JHY: variants seen among roughly 807,000 people sequenced by gnomAD.
JHY encodes the protein jhy protein homolog.
JHY carries 69 observed loss-of-function variants against 78.0 expected under a neutral mutation model. The ratio of observed to expected loss-of-function variants is 0.88; its 90% CI spans 0.73 to 1.08. The LOEUF (loss-of-function observed/expected upper bound fraction) is 1.08, where lower values mean the gene tolerates loss of function less well. Ranked by LOEUF, JHY falls within the 50% of genes least tolerant of loss-of-function variation. JHY has a pLI of 0.00. For missense variants in JHY, 944 were observed against 927.8 expected (o/e 1.02, Z -0.23); for synonymous variants, 368 against 342.6 (o/e 1.07, Z -0.82).
intron 4 of JHY, 81 bp from the exon 5 acceptor site, chr11:122,934,337 TAA>T (rs1863699719): frequency 2.4e-5 from 16 of 653,264 alleles, no homozygotes; most frequent in African/African-American, 1.3e-4. Flanking sequence ...AATAAATAAA[TAA>T]ATAAATAAAT....
intron 8 of JHY, 143 bp from the exon 9 acceptor site, chr11:122,959,105 G>T: frequency 7.2e-7 from 1 of 1,380,880 alleles, no homozygotes. Context: ...ATATTGCATT[G>T]TTTGATCTCC....
At chr11:122,937,360 T>C (rs1454240879) in intron 5 of JHY, among the ~76,000 whole-genome samples, 1 of 152,044 alleles carries the variant, frequency 6.6e-6, no homozygotes, top group Non-Finnish European at 1.5e-5. Flanking sequence ...TAGTATAAGT[T>C]TCCATAAGGA....
chr11:122,909,760 C>G (rs547040036), intron 3 of JHY, among the ~76,000 whole-genome samples: 114 of 152,062 alleles, frequency 7.5e-4, no homozygotes, highest in South Asian at 2.1e-3. Context: ...GCCTGGGTGA[C>G]AGAGCAAGAC....
intron 8 of JHY, chr11:122,958,959 AG>A: frequency 1.0e-6 from 1 of 985,440 alleles, no homozygotes; most frequent in Non-Finnish European, 1.2e-6. Flanking sequence ...CAAACACATA[AG>A]AAGGAACACT....
At chr11:122,956,622 T>C (rs371536641) in intron 7 of JHY, 46 bp downstream of exon 7, 31 of 1,543,180 alleles carry the variant, frequency 2.0e-5, no homozygotes, top group Non-Finnish European at 2.8e-5. Context: ...ACTCAGCCCA[T>C]CTGTCTGTTA....
At chr11:122,926,072 C>T (rs1029749847) in intron 4 of JHY, among the ~76,000 whole-genome samples, 7 of 149,158 alleles carry the variant, frequency 4.7e-5, no homozygotes, top group African/African-American at 1.7e-4. Context: ...CCTGTAGTCC[C>T]AGCTACTAGG....
In JHY at chr11:122,957,353, C is replaced by A; in HGVS notation, c.2011-10C>A. ...ACCTGGATTCATCATAACTTTGTTT[C>A]TCTGAACAGACGCAAAAATTAATAC... On this transcript the variant is annotated splice_polypyrimidine_tract_variant and intron_variant, in intron 7 of 8. Coordinates refer to ENST00000227349, the MANE Select transcript of JHY (RefSeq NM_024806.4). 6.6e-7 allele frequency: 1 copy of A among 1,520,424 alleles called. No homozygotes were observed. The highest frequency in any genetic ancestry group is 8.7e-7 in the Non-Finnish European group (1 of 1,147,342). The allele number at this position is 1,520,424 out of a possible 1,614,324, so 94.2% of individuals were successfully genotyped here.
At chr11:122,907,375 C>T (rs1345274560) in intron 3 of JHY, among the ~76,000 whole-genome samples, 1 of 151,778 alleles carries the variant, frequency 6.6e-6, no homozygotes, top group Admixed American at 6.6e-5. Context: ...TAGTCACTAG[C>T]CTAAGACACT....
chr11:122,902,840 A>T, intron 2 of JHY, among the ~76,000 whole-genome samples: 1 of 152,202 alleles, frequency 6.6e-6, no homozygotes, highest in East Asian at 1.9e-4. Flanking sequence ...ACCTCCCACC[A>T]GGCCCTACCT....
chr11:122,927,384 G>T (rs1221452240), intron 4 of JHY, among the ~76,000 whole-genome samples: 1 of 152,148 alleles, frequency 6.6e-6, no homozygotes, highest in Non-Finnish European at 1.5e-5. Context: ...AAGTGTTATT[G>T]ACCTAAAATG....
intron 4 of JHY, among the ~76,000 whole-genome samples, chr11:122,927,386 C>A (rs1863530092): frequency 6.6e-6 from 1 of 152,164 alleles, no homozygotes; most frequent in South Asian, 2.1e-4. Context: ...GTGTTATTGA[C>A]CTAAAATGAC....
At chr11:122,905,498 C>A (rs913341128) in intron 3 of JHY, 121 of 1,183,950 alleles carry the variant, frequency 1.0e-4, no homozygotes, top group Middle Eastern at 6.8e-4. Flanking sequence ...AACCTCTAAG[C>A]ATTTTCTAAT....
intron 8 of JHY, chr11:122,958,945 A>G: frequency 1.0e-6 from 1 of 985,362 alleles, no homozygotes; most frequent in African/African-American, 1.7e-5. Context: ...GAAACTAAGT[A>G]GACCAAACAC....
chr11:122,915,821 G>A (rs1863222123), intron 3 of JHY, among the ~76,000 whole-genome samples: 1 of 152,050 alleles, frequency 6.6e-6, no homozygotes, highest in South Asian at 2.1e-4. Flanking sequence ...GCCCTAAAAA[G>A]AAGAAGTTAA....
chr11:122,932,614 A>T (rs1863658372), intron 4 of JHY, among the ~76,000 whole-genome samples: 1 of 152,224 alleles, frequency 6.6e-6, no homozygotes, highest in Admixed American at 6.5e-5. Context: ...CATTATCAGC[A>T]TCAATTAATA....
At chr11:122,958,270 T>G (rs769264519) in intron 8 of JHY, among the ~76,000 whole-genome samples, 1 of 152,224 alleles carries the variant, frequency 6.6e-6, no homozygotes, top group Non-Finnish European at 1.5e-5. Context: ...CGGGACCCTT[T>G]GCATGAGGAA....
chr11:122,948,089 C>T (rs192524742), intron 6 of JHY, among the ~76,000 whole-genome samples: 30 of 152,176 alleles, frequency 2.0e-4, no homozygotes, highest in Admixed American at 7.9e-4. Flanking sequence ...AGGGCCTCCG[C>T]GCTAAGACCA....
chr11:122,943,688 G>C (rs193008623), intron 5 of JHY, among the ~76,000 whole-genome samples: 1 of 152,158 alleles, frequency 6.6e-6, no homozygotes, highest in Admixed American at 6.5e-5. Context: ...TTTTAATCCT[G>C]ATGTAATCAA....
rs1187209761 is a variant in JHY, at chr11:122,946,648, T to G, written c.1785T>G (p.Pro595=). ...EGALSSVTLP[P]ILSRVESESQ... is the part of the protein sequence containing the mutation. ...CCTTATCCAGCGTCACGCTTCCACC[T>G]ATACTGTCAAGGGTAGAAAGTGAAT... The change falls in exon 6 of 9, where the codon CCT becomes CCG. Residue 595 remains proline, a synonymous_variant. Coordinates refer to ENST00000227349, the MANE Select transcript of JHY (RefSeq NM_024806.4). 1 of 1,614,150 alleles carries G rather than the reference T, an allele frequency of 6.2e-7. No individual in the cohort carries two copies. The highest frequency in any genetic ancestry group is 2.2e-5 in the East Asian group (1 of 44,878).
Sources: allele counts gnomAD v4.1 joint callset (sites outside exome capture counted in the v4.1 genomes callset), GRCh38; gene constraint gnomAD v4.1.1; transcripts MANE v1.5; gene names NCBI Gene and HGNC (gene_info 2026-07-23, HGNC 2026-07-21).